The following MTUS2 variants were observed in gnomAD, a reference collection of about 807,000 sequenced individuals.
MTUS2 encodes the protein microtubule-associated tumor suppressor candidate 2.
Under a neutral mutation model 114.1 loss-of-function variants are expected in MTUS2, and 40 were observed. The ratio of observed to expected loss-of-function variants is 0.35; its 90% CI spans 0.27 to 0.46. The LOEUF (loss-of-function observed/expected upper bound fraction) is 0.46, where lower values mean the gene tolerates loss of function less well. Ranked by LOEUF, MTUS2 falls within the 20% of genes least tolerant of loss-of-function variation. The pLI is 1.00. For synonymous variants in MTUS2, 688 were observed against 672.0 expected (o/e 1.02, Z -0.37); for missense variants, 1,679 against 1,705.4 (o/e 0.98, Z 0.27).
chr13:28,881,826 T>C (rs1481265836), intron 2 of MTUS2, among the ~76,000 whole-genome samples: 1 of 152,200 alleles, frequency 6.6e-6, no homozygotes, highest in Non-Finnish European at 1.5e-5. Flanking sequence ...TTTTGAGGAC[T>C]TACGTTACTG....
chr13:29,241,058 AAAAACAT>A (rs979602911), intron 5 of MTUS2, among the ~76,000 whole-genome samples: 12 of 152,222 alleles, frequency 7.9e-5, no homozygotes, highest in Non-Finnish European at 1.5e-4. Context: ...AGGAAAAAGT[AAAAACAT>A]ATATTACATT....
chr13:28,823,057 A>T (rs925020373), intron 1 of MTUS2, among the ~76,000 whole-genome samples: 11 of 152,118 alleles, frequency 7.2e-5, no homozygotes, highest in Admixed American at 2.0e-4. Context: ...TGGGGAAGGG[A>T]GGAAAGTGGG....
At chr13:29,494,610 G>A (rs568971268) in intron 12 of MTUS2, among the ~76,000 whole-genome samples, 45 of 152,040 alleles carry the variant, frequency 3.0e-4, no homozygotes, top group Non-Finnish European at 4.7e-4. Context: ...CCTGTGCTAG[G>A]TCACCTGCTA....
intron 8 of MTUS2, among the ~76,000 whole-genome samples, chr13:29,406,488 C>A (rs116530290): frequency 0.018 from 2,742 of 152,262 alleles, 88 homozygotes; most frequent in African/African-American, 0.062. Context: ...CCTAGGGCTT[C>A]CCTCACCCCC....
intron 2 of MTUS2, among the ~76,000 whole-genome samples, chr13:28,970,686 A>G (rs1883815049): frequency 6.6e-6 from 1 of 152,232 alleles, no homozygotes; most frequent in African/African-American, 2.4e-5. Context: ...CTCTGAGAAG[A>G]AAGATTTGAA....
chr13:29,169,921 C>T (rs527954639), intron 5 of MTUS2, among the ~76,000 whole-genome samples: 92 of 152,302 alleles, frequency 6.0e-4, no homozygotes, highest in African/African-American at 2.1e-3. Context: ...TCCCCCAAAC[C>T]TGTCACCTCT....
chr13:28,914,180 G>T (rs1354392852), intron 2 of MTUS2, among the ~76,000 whole-genome samples: 1 of 151,834 alleles, frequency 6.6e-6, no homozygotes, highest in East Asian at 1.9e-4. Context: ...TCTTTTAGTT[G>T]TGATGTTAGG....
chr13:29,062,195 AG>A lies in MTUS2; in HGVS notation c.2446+28072del, dbSNP rs370949128. On this transcript the variant is annotated intron_variant, in intron 4 of 15. Coordinates refer to ENST00000612955, the MANE Select transcript of MTUS2 (RefSeq NM_001033602.4). Reference sequence around the variant, plus strand: ...GAGACGGGGTTTCACCATGTTGGGCAGGCTGGTCTTGAACTCCTGAATTCAA... The same window carrying A: ...GAGACGGGGTTTCACCATGTTGGGCAGCTGGTCTTGAACTCCTGAATTCAA... Among the ~76,000 whole-genome samples the A allele has an allele frequency of 1.8e-3, 268 of 152,272 alleles. 1 individual carries two copies. The highest frequency in any genetic ancestry group is 6.2e-3 in the African/African-American group (259 of 41,548).
rs560179579 is a variant in MTUS2 at position 29,042,809 on chromosome 13, A to C, written c.2446+8684A>C. Among the ~76,000 whole-genome samples, 19 of 152,216 alleles carry C rather than the reference A, an allele frequency of 1.2e-4. No homozygotes were observed. In the South Asian group the frequency reaches 3.7e-3, roughly 30 times the overall value. On this transcript the variant is annotated intron_variant, in intron 4 of 15. Coordinates refer to ENST00000612955, the MANE Select transcript of MTUS2 (RefSeq NM_001033602.4). The stretch of plus-strand genomic sequence containing the variant: ...TTTGTATTTCTGTGGTAGCAGTTAT[A>C]ATATCCCCTGTTTTGTTTCTAATCT...
At chr13:29,463,917 C>G (rs1879700172) in intron 9 of MTUS2, among the ~76,000 whole-genome samples, 1 of 152,178 alleles carries the variant, frequency 6.6e-6, no homozygotes, top group Non-Finnish European at 1.5e-5. Context: ...TCGCTTGAAC[C>G]TGGGAGGCAG....
intron 11 of MTUS2, among the ~76,000 whole-genome samples, chr13:29,490,793 G>C (rs1593509896): frequency 1.3e-5 from 2 of 152,400 alleles, no homozygotes; most frequent in South Asian, 4.1e-4. Flanking sequence ...TCGCAGCTCC[G>C]CTGCTTTCCT....
At chr13:28,901,310 G>A (rs1443680704) in intron 2 of MTUS2, among the ~76,000 whole-genome samples, 1 of 152,066 alleles carries the variant, frequency 6.6e-6, no homozygotes, top group East Asian at 1.9e-4. Context: ...CCAATGCGTA[G>A]CTTCTCTTTT....
intron 2 of MTUS2, among the ~76,000 whole-genome samples, chr13:28,939,046 C>A (rs964730561): frequency 2.0e-5 from 3 of 152,212 alleles, no homozygotes; most frequent in African/African-American, 7.2e-5. Context: ...GATACTTCAG[C>A]GCTGTAACCA....
chr13:29,109,342 A>G (rs1445646533), intron 5 of MTUS2, among the ~76,000 whole-genome samples: 1 of 152,142 alleles, frequency 6.6e-6, no homozygotes, highest in East Asian at 1.9e-4. Flanking sequence ...TTTAAGATCT[A>G]TCTTCTTTGC....
intron 2 of MTUS2, among the ~76,000 whole-genome samples, chr13:28,932,257 C>T (rs1257343989): frequency 6.6e-6 from 1 of 152,176 alleles, no homozygotes; most frequent in East Asian, 1.9e-4. Flanking sequence ...CCTTATGACC[C>T]TGAGCGTTTG....
chr13:28,912,052 G>A (rs1880471161), intron 2 of MTUS2, among the ~76,000 whole-genome samples: 1 of 151,850 alleles, frequency 6.6e-6, no homozygotes, highest in Non-Finnish European at 1.5e-5. Flanking sequence ...ATTGCTTCTG[G>A]AGTTTTTGTC....
intron 4 of MTUS2, among the ~76,000 whole-genome samples, chr13:29,077,803 G>A (rs572319079): frequency 2.0e-5 from 3 of 152,296 alleles, no homozygotes; most frequent in Non-Finnish European, 2.9e-5. Context: ...TGTCAAGAAC[G>A]TTTGACAATG....
intron 2 of MTUS2, among the ~76,000 whole-genome samples, chr13:28,995,709 G>A (rs1012009725): frequency 6.6e-6 from 1 of 152,094 alleles, no homozygotes; most frequent in Non-Finnish European, 1.5e-5. Context: ...TCTGTTTTTG[G>A]TGTATAAGAA....
Position 29,024,810 on chromosome 13 carries a change from A to G in MTUS2, c.112A>G (p.Asn38Asp). 6.2e-7 allele frequency: 1 copy of G among 1,614,034 alleles called. No homozygotes were observed. The highest frequency in any genetic ancestry group is 8.5e-7 in the Non-Finnish European group (1 of 1,179,890). The change falls in exon 3 of 16, where the codon AAT (asparagine) becomes GAT (aspartate). Residue 38 changes from asparagine (N) to aspartate (D), a missense_variant. Asn to Asp is a conservative substitution (Grantham distance 23). Around this residue, in one of 3 missense-constraint regions of MTUS2, gnomAD observed 843 missense variants for 770.8 expected, o/e 1.09. Coordinates refer to ENST00000612955, the MANE Select transcript of MTUS2 (RefSeq NM_001033602.4). ...SILSLGDTNANQIMLEVSSSH... is the reference protein window; with the variant it reads ...SILSLGDTNADQIMLEVSSSH... ...CTTAAGTCTGGGAGATACGAATGCC[A>G]ATCAAATCATGTTGGAGGTCAGCTC... is the stretch of plus-strand genomic sequence containing the variant.
Sources: allele counts gnomAD v4.1 joint callset (sites outside exome capture counted in the v4.1 genomes callset), GRCh38; gene constraint gnomAD v4.1.1; regional missense constraint gnomAD v4.1.1; transcripts MANE v1.5; gene names NCBI Gene and HGNC (gene_info 2026-07-23, HGNC 2026-07-21).